The following RMST variants were observed in gnomAD, a reference collection of about 807,000 sequenced individuals.
RMST encodes rhabdomyosarcoma 2 associated transcript, also known as long intergenic non-protein coding RNA 54.
chr12:97,513,557 C>T, intron 10 of RMST, among the ~76,000 whole-genome samples: 1 of 152,098 alleles, frequency 6.6e-6, no homozygotes, highest in East Asian at 1.9e-4. Context: ...TAGTGTTAAC[C>T]TGTAAATTTA....
chr12:97,477,831 C>T (rs1874737888), intron 5 of RMST, among the ~76,000 whole-genome samples: 2 of 152,176 alleles, frequency 1.3e-5, no homozygotes, highest in Non-Finnish European at 2.9e-5. Flanking sequence ...AAGCTAAAAG[C>T]ACTTTTTAAT....
chr12:97,553,324 G>A (rs542213043), intron 11 of RMST, among the ~76,000 whole-genome samples: 103 of 152,212 alleles, frequency 6.8e-4, no homozygotes, highest in African/African-American at 2.4e-3. Flanking sequence ...GAGAAGAAAT[G>A]GCCTTTTCTT....
chr12:97,536,539 T>A (rs987717423), intron 11 of RMST, among the ~76,000 whole-genome samples: 2 of 151,442 alleles, frequency 1.3e-5, no homozygotes, highest in Admixed American at 1.3e-4. Context: ...TCTATATTTA[T>A]CTGCAGGGCC....
intron 10 of RMST, among the ~76,000 whole-genome samples, chr12:97,526,039 C>T (rs943797027): frequency 2.0e-5 from 3 of 151,892 alleles, no homozygotes; most frequent in Non-Finnish European, 4.4e-5. Context: ...ATGGGTCCAT[C>T]TAGTTGCAGG....
intron 10 of RMST, among the ~76,000 whole-genome samples, chr12:97,522,842 G>A (rs1219282459): frequency 6.6e-6 from 1 of 152,134 alleles, no homozygotes; most frequent in African/African-American, 2.4e-5. Context: ...AACATCGAGT[G>A]AGATCATATA....
chr12:97,522,400 A>AG (rs1307418346), intron 10 of RMST, among the ~76,000 whole-genome samples: 2 of 152,234 alleles, frequency 1.3e-5, no homozygotes, highest in Non-Finnish European at 2.9e-5. Context: ...CAGAAACAGT[A>AG]GGAGAGAAAA....
intron 10 of RMST, among the ~76,000 whole-genome samples, chr12:97,522,068 CTT>C (rs971216344): frequency 6.6e-6 from 1 of 152,122 alleles, no homozygotes; most frequent in Non-Finnish European, 1.5e-5. Context: ...GATCTGGCCT[CTT>C]TTGCATAAAG....
At chr12:97,463,679 A>G (rs1439159194) in intron 4 of RMST, among the ~76,000 whole-genome samples, 4 of 152,230 alleles carry the variant, frequency 2.6e-5, no homozygotes, top group Non-Finnish European at 5.9e-5. Flanking sequence ...TACTGAGGTC[A>G]GAGAGTTTCA....
chr12:97,485,331 C>T (rs1261361161), intron 5 of RMST, among the ~76,000 whole-genome samples: 1 of 152,106 alleles, frequency 6.6e-6, no homozygotes, highest in African/African-American at 2.4e-5. Flanking sequence ...TTTATGTCTA[C>T]TCTATATGCA....
chr12:97,507,628 G>A (rs907204849), intron 10 of RMST, among the ~76,000 whole-genome samples: 1 of 152,164 alleles, frequency 6.6e-6, no homozygotes, highest in Non-Finnish European at 1.5e-5. Flanking sequence ...GCTGGAGAGG[G>A]AGATAAATAT....
chr12:97,560,771 G>A (rs1306252220), intron 12 of RMST: 1 of 152,118 alleles, frequency 6.6e-6, no homozygotes, highest in African/African-American at 2.4e-5. Flanking sequence ...TATCTATAAA[G>A]TTTTCCTTTT....
chr12:97,554,157 T>G (rs781642024), intron 11 of RMST, among the ~76,000 whole-genome samples: 11 of 152,028 alleles, frequency 7.2e-5, no homozygotes, highest in Non-Finnish European at 1.5e-4. Flanking sequence ...TTTTGCCATG[T>G]TGGTCATGCT....
At chr12:97,467,919 A>G (rs1392782946) in intron 5 of RMST, among the ~76,000 whole-genome samples, 2 of 151,936 alleles carry the variant, frequency 1.3e-5, no homozygotes, top group Non-Finnish European at 2.9e-5. Context: ...TAGGATATGG[A>G]TTTTCTTAGT....
intron 5 of RMST, among the ~76,000 whole-genome samples, chr12:97,484,099 T>C (rs1191022765): frequency 6.6e-6 from 1 of 152,220 alleles, no homozygotes; most frequent in African/African-American, 2.4e-5. Flanking sequence ...CCTTTATTAA[T>C]CTAGTTCTAC....
intron 11 of RMST, among the ~76,000 whole-genome samples, chr12:97,558,422 G>T (rs1424020217): frequency 6.6e-6 from 1 of 152,154 alleles, no homozygotes; most frequent in Non-Finnish European, 1.5e-5. Context: ...TCTATCTTTT[G>T]TCTGTGTTAA....
At chr12:97,532,435 A>G (rs377070304) in intron 11 of RMST, among the ~76,000 whole-genome samples, 162 of 152,010 alleles carry the variant, frequency 1.1e-3, no homozygotes, top group African/African-American at 3.8e-3. Context: ...TAAGTAGGTG[A>G]ATAGAAATAA....
At chr12:97,535,242 G>A (rs1442620747) in intron 11 of RMST, among the ~76,000 whole-genome samples, 1 of 151,600 alleles carries the variant, frequency 6.6e-6, no homozygotes, top group African/African-American at 2.4e-5. Flanking sequence ...AGTTTTCTAG[G>A]ACTAGTTTTC....
At chr12:97,549,607 A>G (rs192135277) in intron 11 of RMST, among the ~76,000 whole-genome samples, 1 of 152,284 alleles carries the variant, frequency 6.6e-6, no homozygotes, top group East Asian at 1.9e-4. Flanking sequence ...TAAACATAGA[A>G]CCATTACTCT....
At chr12:97,516,762 T>C (rs1879980139) in intron 10 of RMST, among the ~76,000 whole-genome samples, 2 of 152,048 alleles carry the variant, frequency 1.3e-5, no homozygotes, top group Admixed American at 6.5e-5. Context: ...GAAATTGCTA[T>C]ATAGGCTATA....
Sources: gnomAD v4.1 joint callset for allele counts (sites outside exome capture counted in the v4.1 genomes callset) on GRCh38, gnomAD v4.1.1 for gene constraint, MANE v1.5 for transcripts, NCBI Gene and HGNC (gene_info 2026-07-23, HGNC 2026-07-21) for gene names.